Variants in SARDH observed in about 807,000 individuals in gnomAD.
The protein encoded by SARDH is sarcosine dehydrogenase, also known as sarcosine dehydrogenase, mitochondrial.
Under a neutral mutation model 109.1 loss-of-function variants are expected in SARDH, and 95 were observed. The observed-to-expected ratio is 0.87, with a 90% CI of 0.74 to 1.03. SARDH has a LOEUF of 1.03. SARDH is among the 50% of genes least tolerant of loss of function. The probability of loss-of-function intolerance (pLI) is 0.00; values close to 1 mark genes in which losing one functional copy is unlikely to be tolerated. For missense variants in SARDH, 1,267 were observed against 1,287.8 expected, an observed-to-expected ratio of 0.98 and a Z score of 0.25; for synonymous variants, 572 against 534.8, an observed-to-expected ratio of 1.07 and a Z score of -0.96.
intron 1 of SARDH, among the ~76,000 whole-genome samples, chr9:133,737,207 A>T (rs1167856753): frequency 6.6e-6 from 1 of 152,184 alleles, no homozygotes; most frequent in Non-Finnish European, 1.5e-5. Flanking sequence ...GGGGGATGTG[A>T]GGGGGATCCC....
chr9:133,715,971 GC>G (rs1436543280), intron 8 of SARDH, among the ~76,000 whole-genome samples: 3 of 152,248 alleles, frequency 2.0e-5, no homozygotes, highest in African/African-American at 7.2e-5. Flanking sequence ...CAGCCCTGAA[GC>G]GGGGCCAGAG....
At position 133,663,913 on chromosome 9, in the gene SARDH, G is replaced by T. The variant is rs1318994640; in HGVS notation, c.2733C>A (p.Asn911Lys). ...CTCAGTAGATTCCCTTCACCCTCTT[G>T]TTGTTGGGGTCGAAGGGCGACTTCA... is the stretch of plus-strand genomic sequence containing the variant. ...AHLKSPFDPN[N>K]KRVKGIY The change falls in exon 21 of 21, where the codon AAC becomes AAA. Residue 911 changes from asparagine (N) to lysine (K), a missense_variant. By Grantham distance (94) the Asn-to-Lys change is moderately conservative. Coordinates refer to ENST00000439388, the MANE Select transcript of SARDH (RefSeq NM_001134707.2). 6.2e-7 allele frequency: 1 copy of T among 1,614,138 alleles called. No homozygotes were observed. The highest frequency in any genetic ancestry group is 8.5e-7 in the Non-Finnish European group (1 of 1,180,008).
chr9:133,682,740 C>A (rs11507041), intron 17 of SARDH, among the ~76,000 whole-genome samples: 15 of 96,606 alleles, frequency 1.6e-4, no homozygotes, highest in Non-Finnish European at 2.7e-4. Flanking sequence ...CTGCTAGAAG[C>A]GAGGTCTGCA....
At position 133,718,848 on chromosome 9, in the gene SARDH, T is replaced by G. The variant is rs1161985129; in HGVS notation, c.1020+90A>C. Reference sequence around the variant, plus strand: ...TTCTCAGGTGTGCCTCTGAGGAGCTTCAGGAGGATGGACTTCCTGAAAGAG... The same window carrying G: ...TTCTCAGGTGTGCCTCTGAGGAGCTGCAGGAGGATGGACTTCCTGAAAGAG... On this transcript the variant is annotated intron_variant, in intron 7 of 20. Transcript: ENST00000439388. The surrounding 1 kb of genome is among the most constrained non-coding windows in gnomAD (Gnocchi z 4.2). The G allele has an allele frequency of 1.9e-6, 2 of 1,037,378 alleles. No homozygotes were observed. Among genetic ancestry groups the G allele is most frequent in the Admixed American group, 3.4e-5 (2 of 59,008 alleles). The allele number at this position is 1,037,378 out of a possible 1,614,324, so 64.3% of individuals were successfully genotyped here. A position where few individuals can be genotyped will look rare whatever the true frequency, so the allele number is the denominator to read the frequency against.
At chr9:133,671,826 T>C (rs756197477) in intron 17 of SARDH, 129 bp from the exon 18 acceptor site, 20 of 1,178,670 alleles carry the variant, frequency 1.7e-5, no homozygotes, top group Non-Finnish European at 2.0e-5. Context: ...CCCAGCCAGA[T>C]TGCCATCAAG....
chr9:133,708,578 G>A (rs968527322), intron 10 of SARDH, 150 bp from the exon 11 acceptor site: 9 of 1,049,794 alleles, frequency 8.6e-6, no homozygotes, highest in South Asian at 3.6e-5. Context: ...CTCTCCATTC[G>A]CCCCACCCTT....
chr9:133,684,784 C>T (rs1281318657), intron 17 of SARDH, among the ~76,000 whole-genome samples: 2 of 152,218 alleles, frequency 1.3e-5, no homozygotes, highest in Non-Finnish European at 2.9e-5. Context: ...GAGGCTGCCA[C>T]ACGGAGCTCT....
chr9:133,694,448 G>T, intron 14 of SARDH, 77 bp from the exon 15 acceptor site: 1 of 1,151,724 alleles, frequency 8.7e-7, no homozygotes, highest in Non-Finnish European at 1.3e-6. Context: ...CCCCAGGGCC[G>T]CTCACAGGGG....
At chr9:133,721,568 A>C (rs1190252878) in intron 6 of SARDH, among the ~76,000 whole-genome samples, 2 of 152,232 alleles carry the variant, frequency 1.3e-5, no homozygotes, top group African/African-American at 4.8e-5. Flanking sequence ...TAGACCATGC[A>C]GCGGTCAGTC....
At chr9:133,708,587 T>C (rs1421871625) in intron 10 of SARDH, among the ~76,000 whole-genome samples, 159 bp from the exon 11 acceptor site, 1 of 152,068 alleles carries the variant, frequency 6.6e-6, no homozygotes, top group Non-Finnish European at 1.5e-5. Context: ...CGCCCCACCC[T>C]TGGGTGAACT....
At position 133,712,860 on chromosome 9, in the gene SARDH, C is replaced by A; in HGVS notation, c.1238-151G>T. 1 of 920,936 alleles carries A rather than the reference C, an allele frequency of 1.1e-6. No homozygotes were observed. The highest frequency in any genetic ancestry group is 1.7e-6 in the Non-Finnish European group (1 of 602,054). 57.0% of individuals were successfully genotyped at this position (920,936 alleles called of 1,614,324 possible). ...TGCACGCCTCCTGATTGGACTGCTG[C>A]TGGACTGGACCCTGGCACAGGTGCA... On this transcript the variant is annotated intron_variant, in intron 9 of 20. Coordinates refer to ENST00000439388, the MANE Select transcript of SARDH (RefSeq NM_001134707.2). This position sits in a 1 kb window ranked among gnomAD's most constrained non-coding sequence, Gnocchi z 4.1.
rs2131391308 is a variant in SARDH, at chr9:133,694,271, G to A, written c.1908C>T (p.Ala636=). ...GGCATCCCATACCTTCAAAGGCGGGGGCCAGCGGGGAGGCCTGGTGGCTGG... is the reference window on the plus strand; with the variant it reads ...GGCATCCCATACCTTCAAAGGCGGGAGCCAGCGGGGAGGCCTGGTGGCTGG... ...LAPSHQASPL[A]PAFEGDGYYL... Residue 636 remains alanine, a synonymous_variant, in exon 15 of 21, where the codon GCC becomes GCT. Coordinates refer to ENST00000439388, the MANE Select transcript of SARDH (RefSeq NM_001134707.2). 3 of 1,549,022 alleles carry A rather than the reference G, an allele frequency of 1.9e-6. No homozygotes were observed. The highest frequency in any genetic ancestry group is 2.4e-5 in the East Asian group (1 of 40,896).
chr9:133,671,417 A>C lies in SARDH; in HGVS notation c.2326+118T>G, dbSNP rs1374128442. ...GGGAGGAAATCATGGTGTGGAAAGAAGGAAGCCGGGTGACAACACAGGGAA... is the reference window on the plus strand; with the variant it reads ...GGGAGGAAATCATGGTGTGGAAAGACGGAAGCCGGGTGACAACACAGGGAA... On this transcript the variant is annotated intron_variant, in intron 18 of 20. Coordinates refer to ENST00000439388, the MANE Select transcript of SARDH (RefSeq NM_001134707.2). 4 of 1,299,808 alleles carry C rather than the reference A, an allele frequency of 3.1e-6. No individual in the cohort carries two copies. In the African/African-American group the frequency reaches 6.0e-5, roughly 20 times the overall value. The allele number at this position is 1,299,808 out of a possible 1,614,324, so 80.5% of individuals were successfully genotyped here.
At chr9:133,732,693 C>G (rs1282483063) in intron 2 of SARDH, 92 bp from the exon 3 acceptor site, 2 of 1,396,422 alleles carry the variant, frequency 1.4e-6, no homozygotes, top group Non-Finnish European at 1.9e-6. Flanking sequence ...GATATTCAAC[C>G]ATGGGTGTCT....
downstream of SARDH, among the ~76,000 whole-genome samples, chr9:133,660,217 C>T (rs555115912): frequency 2.4e-4 from 36 of 152,238 alleles, no homozygotes; most frequent in South Asian, 1.5e-3. Context: ...TGCCACTTGC[C>T]CCACACTGAG....
At chr9:133,673,505 A>G (rs553467282) in intron 17 of SARDH, among the ~76,000 whole-genome samples, 4 of 152,366 alleles carry the variant, frequency 2.6e-5, no homozygotes, top group South Asian at 2.1e-4. Flanking sequence ...CGCTCTCCCA[A>G]CCACAGGGGC....
At chr9:133,683,928 C>G (rs1453426848) in intron 17 of SARDH, among the ~76,000 whole-genome samples, 1 of 152,240 alleles carries the variant, frequency 6.6e-6, no homozygotes, top group Non-Finnish European at 1.5e-5. Context: ...ATCCGTGTCA[C>G]TGACACATAT....
At chr9:133,722,945 C>T (rs750722352) in intron 6 of SARDH, among the ~76,000 whole-genome samples, 6 of 152,182 alleles carry the variant, frequency 3.9e-5, no homozygotes, top group Non-Finnish European at 8.8e-5. Context: ...AGGCATGAGC[C>T]ACTGGGCTCA....
Position 133,729,875 on chromosome 9 carries a change from G to A in SARDH, c.815-10C>T. The A allele has an allele frequency of 6.2e-7, 1 of 1,610,968 alleles. No individual in the cohort carries two copies. ...GCACTTGCCCACACTCCTGCGGGCAGAGCACAGACAGCTCAGCTCTGCTGA... is the reference window on the plus strand; with the variant it reads ...GCACTTGCCCACACTCCTGCGGGCAAAGCACAGACAGCTCAGCTCTGCTGA... On this transcript the variant is annotated splice_polypyrimidine_tract_variant and intron_variant, in intron 5 of 20. Coordinates refer to ENST00000439388, the MANE Select transcript of SARDH (RefSeq NM_001134707.2).
Sources: gnomAD v4.1 joint callset for allele counts (sites outside exome capture counted in the v4.1 genomes callset) on GRCh38, gnomAD v4.1.1 for gene constraint, Gnocchi (gnomAD v3.1) non-coding constraint, MANE v1.5 for transcripts, NCBI Gene and HGNC (gene_info 2026-07-23, HGNC 2026-07-21) for gene names.